PHACTR1: variants seen among roughly 807,000 people sequenced by gnomAD.
PHACTR1 encodes the protein RPEL repeat containing 1.
In PHACTR1, 16 loss-of-function variants were observed where a neutral mutation model predicts 69.2. The ratio of observed to expected loss-of-function variants is 0.23; its 90% CI spans 0.16 to 0.35. PHACTR1 has a LOEUF of 0.35. PHACTR1 is among the 10% of genes least tolerant of loss of function. PHACTR1 has a pLI of 1.00. For synonymous variants in PHACTR1, 312 were observed against 284.5 expected (o/e 1.10, Z -0.97); for missense variants, 510 against 734.7 (o/e 0.69, Z 3.54).
intron 9 of PHACTR1, among the ~76,000 whole-genome samples, chr6:13,229,514 C>T (rs888102381): frequency 2.0e-5 from 3 of 152,118 alleles, no homozygotes; most frequent in South Asian, 2.1e-4. Context: ...CCACTTTGTC[C>T]GCCTACCTTT....
In PHACTR1 at chr6:12,906,218, TCGA is replaced by T. The variant is rs1327513228; in HGVS notation, c.251-147145_251-147143del. ...TATTACTTCTTATGCTCAGTGGCAT[TCGA>T]CTATAGAATTACTGCAATCTAGGGA... On this transcript the variant is annotated intron_variant, in intron 4 of 14. Transcript: ENST00000332995. Among the ~76,000 whole-genome samples, 125 of 152,344 alleles carry T rather than the reference TCGA, an allele frequency of 8.2e-4. No homozygotes were observed. In the Middle Eastern group the frequency reaches 0.017, roughly 21 times the overall value.
intron 9 of PHACTR1, among the ~76,000 whole-genome samples, chr6:13,229,208 G>A (rs1234115035): frequency 1.3e-5 from 2 of 152,214 alleles, no homozygotes; most frequent in East Asian, 3.9e-4. Context: ...ATTCTTTGGT[G>A]TGGGGCCGTC....
At chr6:12,858,118 T>A (rs1382440394) in intron 4 of PHACTR1, among the ~76,000 whole-genome samples, 3 of 152,158 alleles carry the variant, frequency 2.0e-5, no homozygotes, top group Non-Finnish European at 4.4e-5. Flanking sequence ...ATTGCAGAAG[T>A]TGGAGTGCAA....
intron 4 of PHACTR1, among the ~76,000 whole-genome samples, chr6:12,906,952 G>A (rs1315469368): frequency 6.6e-6 from 1 of 152,166 alleles, no homozygotes; most frequent in African/African-American, 2.4e-5. Context: ...GCACAGAGTA[G>A]TTCCCTGAGA....
intron 8 of PHACTR1, among the ~76,000 whole-genome samples, chr6:13,214,972 T>G (rs1562007541): frequency 6.6e-6 from 1 of 152,210 alleles, no homozygotes; most frequent in Non-Finnish European, 1.5e-5. Context: ...AATACGTTTC[T>G]AATAAATTCA....
chr6:13,058,367 T>C (rs1046085007), intron 5 of PHACTR1, among the ~76,000 whole-genome samples: 6 of 152,132 alleles, frequency 3.9e-5, no homozygotes, highest in Non-Finnish European at 8.8e-5. Flanking sequence ...AAATCTACAA[T>C]GTGTCAGAAT....
intron 4 of PHACTR1, among the ~76,000 whole-genome samples, chr6:12,769,299 G>A (rs1433122338): frequency 1.3e-5 from 2 of 152,192 alleles, no homozygotes; most frequent in Non-Finnish European, 2.9e-5. Context: ...ATGTATACAT[G>A]CATTGAAACA....
chr6:13,258,630 C>T (rs1775511333), intron 10 of PHACTR1, among the ~76,000 whole-genome samples: 1 of 152,194 alleles, frequency 6.6e-6, no homozygotes, highest in Non-Finnish European at 1.5e-5. Context: ...AGTGGTGGCC[C>T]TGCACCAGTT....
At chr6:12,816,751 G>A (rs1421284739) in intron 4 of PHACTR1, among the ~76,000 whole-genome samples, 2 of 152,190 alleles carry the variant, frequency 1.3e-5, no homozygotes, top group Admixed American at 1.3e-4. Context: ...GCTAGAGGGG[G>A]TCAGAAAGAT....
At chr6:13,184,405 G>A (rs779764649) in intron 7 of PHACTR1, among the ~76,000 whole-genome samples, 71 of 152,236 alleles carry the variant, frequency 4.7e-4, no homozygotes, top group Non-Finnish European at 8.1e-4. Flanking sequence ...TTGGTTTAGA[G>A]GGGCTCTGCA....
At chr6:13,227,286 T>C (rs752833183) in intron 8 of PHACTR1, among the ~76,000 whole-genome samples, 37 of 152,182 alleles carry the variant, frequency 2.4e-4, no homozygotes, top group Non-Finnish European at 4.1e-4. Flanking sequence ...ATTTCAGTCT[T>C]TCACACACTC....
rs770631142 is a variant in PHACTR1 at position 13,230,110 on chromosome 6, G to A, written c.1308G>A (p.Glu436=). Reference sequence around the variant, plus strand: ...TCAGCAACAGGCCCTCCAAGCGAGAGCTGGAAGAAAAGAACATCCTTCCCA... The same window carrying A: ...TCAGCAACAGGCCCTCCAAGCGAGAACTGGAAGAAAAGAACATCCTTCCCA... The part of the protein sequence containing the change: ...IKLSNRPSKR[E]LEEKNILPRQ... The change falls in exon 10 of 15, where the codon GAG becomes GAA. Residue 436 remains glutamate, a synonymous_variant. Coordinates refer to ENST00000332995, the MANE Select transcript of PHACTR1 (RefSeq NM_030948.6). 2 of 1,611,462 alleles carry A rather than the reference G, an allele frequency of 1.2e-6. No individual in the cohort carries two copies. The highest frequency in any genetic ancestry group is 2.2e-5 in the East Asian group (1 of 44,726).
chr6:12,735,628 G>A (rs1055002821), intron 3 of PHACTR1, among the ~76,000 whole-genome samples: 1 of 152,190 alleles, frequency 6.6e-6, no homozygotes, highest in African/African-American at 2.4e-5. Flanking sequence ...CAATGTTAGG[G>A]TAGCTATTGA....
chr6:12,895,794 C>T (rs1321062098), intron 4 of PHACTR1, among the ~76,000 whole-genome samples: 1 of 152,178 alleles, frequency 6.6e-6, no homozygotes, highest in Non-Finnish European at 1.5e-5. Context: ...CTAGGGATGC[C>T]CCCAGAGATT....
At chr6:13,170,475 T>G (rs554221882) in intron 6 of PHACTR1, among the ~76,000 whole-genome samples, 40 of 152,244 alleles carry the variant, frequency 2.6e-4, no homozygotes, top group African/African-American at 9.6e-4. Context: ...CTTCCAATGC[T>G]CTATTACTCC....
intron 4 of PHACTR1, among the ~76,000 whole-genome samples, chr6:12,975,798 G>A (rs2127587171): frequency 6.6e-6 from 1 of 152,270 alleles, no homozygotes; most frequent in East Asian, 1.9e-4. Flanking sequence ...TGTTGCCCAG[G>A]TTGGTCTAAT....
chr6:12,884,091 TACACACATAACC>T (rs765688100), intron 4 of PHACTR1, among the ~76,000 whole-genome samples: 29 of 151,530 alleles, frequency 1.9e-4, no homozygotes, highest in Admixed American at 4.6e-4. Context: ...TACACAAATA[TACACACATAACC>T]ACACACATGT....
intron 4 of PHACTR1, among the ~76,000 whole-genome samples, chr6:12,940,868 T>C (rs1789989426): frequency 6.6e-6 from 1 of 152,212 alleles, no homozygotes; most frequent in African/African-American, 2.4e-5. Context: ...TGACGGATGC[T>C]AAGACAGAAA....
intron 4 of PHACTR1, among the ~76,000 whole-genome samples, chr6:13,043,544 A>C (rs990679618): frequency 1.3e-5 from 2 of 152,204 alleles, no homozygotes; most frequent in Non-Finnish European, 2.9e-5. Context: ...TTTATAAATA[A>C]AGTTTTATTG....
Sources: gnomAD v4.1 joint callset for allele counts (sites outside exome capture counted in the v4.1 genomes callset) on GRCh38, gnomAD v4.1.1 for gene constraint, MANE v1.5 for transcripts, NCBI Gene and HGNC (gene_info 2026-07-23, HGNC 2026-07-21) for gene names.